Variants in CCDC136 observed in about 807,000 individuals in gnomAD.
CCDC136 encodes the protein coiled-coil domain-containing protein 136.
CCDC136 carries 100 observed loss-of-function variants against 141.2 expected under a neutral mutation model. The ratio of observed to expected loss-of-function variants is 0.71; its 90% CI spans 0.60 to 0.84. CCDC136 has a LOEUF of 0.84. Ranked by LOEUF, CCDC136 falls within the 40% of genes least tolerant of loss-of-function variation. CCDC136 has a pLI of 0.00. For synonymous variants in CCDC136, 474 were observed against 531.9 expected, an observed-to-expected ratio of 0.89 and a Z score of 1.50; for missense variants, 1,206 against 1,379.4, an observed-to-expected ratio of 0.87 and a Z score of 1.99.
At position 128,817,839 on chromosome 7, in the gene CCDC136, T is replaced by C. The variant is rs1806880566; in HGVS notation, c.3445T>C (p.Trp1149Arg). The change falls in exon 17 of 18, where the codon TGG becomes CGG. Residue 1149 changes from tryptophan (W) to arginine (R), a missense_variant. By Grantham distance (101) the Trp-to-Arg change is moderately radical. Transcript: ENST00000297788. This position sits in a 1 kb window ranked among gnomAD's most constrained non-coding sequence, Gnocchi z 4.6. The stretch of plus-strand genomic sequence containing the variant: ...CATCTCGGCTTTGCTCTGGTGCTGG[T>C]GGGCTGAGACGTCGTCCTAATGCAG... ...VVISALLWCW[W>R]AETSS 6.2e-7 allele frequency: 1 copy of C among 1,613,748 alleles called. No homozygotes were observed. The highest frequency in any genetic ancestry group is 8.5e-7 in the Non-Finnish European group (1 of 1,179,812).
rs968852697 is a variant in CCDC136 at position 128,794,899 on chromosome 7, C to T, written c.346+131C>T. Reference sequence around the variant, plus strand: ...TTCAGTAATTTCACCTCATTTTCCTCTACTAGTCTCACCCTTTTCCTCTCC... The same window carrying T: ...TTCAGTAATTTCACCTCATTTTCCTTTACTAGTCTCACCCTTTTCCTCTCC... On this transcript the variant is annotated intron_variant, in intron 3 of 17. Transcript: ENST00000297788. The surrounding 1 kb of genome is among the most constrained non-coding windows in gnomAD (Gnocchi z 4.3). 1 of 697,138 alleles carries T rather than the reference C, an allele frequency of 1.4e-6. No individual in the cohort carries two copies. Among genetic ancestry groups the T allele is most frequent in the Non-Finnish European group, 2.5e-6 (1 of 398,600 alleles). 43.2% of individuals were successfully genotyped at this position (697,138 alleles called of 1,614,324 possible). A position where few individuals can be genotyped will look rare whatever the true frequency, so the allele number is the denominator to read the frequency against.
At position 128,794,911 on chromosome 7, in the gene CCDC136, C is replaced by A; in HGVS notation, c.346+143C>A. Reference sequence around the variant, plus strand: ...ACCTCATTTTCCTCTACTAGTCTCACCCTTTTCCTCTCCTTGTCTCTCCAT... The same window carrying A: ...ACCTCATTTTCCTCTACTAGTCTCAACCTTTTCCTCTCCTTGTCTCTCCAT... On this transcript the variant is annotated intron_variant, in intron 3 of 17. Coordinates refer to ENST00000297788, the MANE Select transcript of CCDC136 (RefSeq NM_022742.5). The surrounding 1 kb of genome is among the most constrained non-coding windows in gnomAD (Gnocchi z 4.3). The A allele has an allele frequency of 1.5e-6, 1 of 655,696 alleles. No individual in the cohort carries two copies. Among genetic ancestry groups the A allele is most frequent in the Non-Finnish European group, 2.7e-6 (1 of 369,118 alleles). 40.6% of individuals were successfully genotyped at this position (655,696 alleles called of 1,614,324 possible). A position where few individuals can be genotyped will look rare whatever the true frequency, so the allele number is the denominator to read the frequency against.
intron 4 of CCDC136, among the ~76,000 whole-genome samples, chr7:128,803,840 A>G (rs1804421154): frequency 1.4e-5 from 2 of 145,494 alleles, no homozygotes; most frequent in South Asian, 2.2e-4. Flanking sequence ...TTTGAGACAG[A>G]GTCTCACTCT....
rs904372404 is a variant in CCDC136, at chr7:128,812,140, A to G, written c.2369A>G (p.Tyr790Cys). 4 of 1,613,928 alleles carry G rather than the reference A, an allele frequency of 2.5e-6. No homozygotes were observed. Among genetic ancestry groups the G allele is most frequent in the African/African-American group, 1.3e-5 (1 of 74,934 alleles). Reference sequence around the variant, plus strand: ...AGCAGCAAGAGCTTTCTCAAGAGCTATGACAGCAGCACCAGTGCCAGTGAG... The same window carrying G: ...AGCAGCAAGAGCTTTCTCAAGAGCTGTGACAGCAGCACCAGTGCCAGTGAG... ...QTSSKSFLKSYDSSTSASEAY... is the reference protein window; with the variant it reads ...QTSSKSFLKSCDSSTSASEAY... Residue 790 changes from tyrosine (Y) to cysteine (C), a missense_variant, in exon 13 of 18, where the codon TAT becomes TGT. Tyr to Cys is a radical substitution (Grantham distance 194). Transcript: ENST00000297788.
upstream of CCDC136, chr7:128,791,658 C>A: frequency 1.4e-6 from 1 of 721,070 alleles, no homozygotes; most frequent in South Asian, 6.5e-5. This position sits in a 1 kb window ranked among gnomAD's most constrained non-coding sequence, Gnocchi z 7.1. Context: ...TCCCCTTTCT[C>A]CGCCCAAAGT....
chr7:128,793,565 CTGA>C (rs1802516451), intron 1 of CCDC136, among the ~76,000 whole-genome samples: 2 of 152,234 alleles, frequency 1.3e-5, no homozygotes, highest in South Asian at 4.1e-4. Context: ...TATGGAAAGG[CTGA>C]TTTTTCACAA....
At chr7:128,819,658 T>C (rs1807170364) in intron 17 of CCDC136, among the ~76,000 whole-genome samples, 1 of 152,188 alleles carries the variant, frequency 6.6e-6, no homozygotes, top group Admixed American at 6.5e-5. Context: ...AAGCTACTCC[T>C]ATTTTTTTTT....
At chr7:128,803,875 C>T (rs1201065636) in intron 4 of CCDC136, among the ~76,000 whole-genome samples, 2 of 147,808 alleles carry the variant, frequency 1.4e-5, no homozygotes, top group Non-Finnish European at 3.0e-5. Context: ...AGTGCAGTGG[C>T]ACAGTCTTGG....
At chr7:128,795,583 A>G (rs753348024) in intron 3 of CCDC136, among the ~76,000 whole-genome samples, 94 of 152,040 alleles carry the variant, frequency 6.2e-4, no homozygotes, top group Non-Finnish European at 2.9e-4. Context: ...AAGCAAAGGT[A>G]GATACAGGAA....
At chr7:128,795,044 C>T (rs966173592) in intron 3 of CCDC136, among the ~76,000 whole-genome samples, 1 of 152,106 alleles carries the variant, frequency 6.6e-6, no homozygotes, top group African/African-American at 2.4e-5. Flanking sequence ...GGGCTCTTTC[C>T]TCTTGCCCCT....
chr7:128,804,322 A>G (rs1055634479), intron 4 of CCDC136, among the ~76,000 whole-genome samples: 18 of 152,376 alleles, frequency 1.2e-4, no homozygotes, highest in African/African-American at 4.3e-4. Context: ...AAGTTTTTAC[A>G]TACAGTAAAA....
chr7:128,804,815 T>C, intron 5 of CCDC136, 54 bp downstream of exon 5: 2 of 1,155,444 alleles, frequency 1.7e-6, no homozygotes, highest in South Asian at 2.7e-5. Flanking sequence ...GACTCTGCCT[T>C]ACCTTGGGCT....
At chr7:128,791,409 C>A, upstream of CCDC136, 1 of 1,005,328 alleles carries the variant, frequency 9.9e-7, no homozygotes, top group South Asian at 3.5e-5. This position sits in a 1 kb window ranked among gnomAD's most constrained non-coding sequence, Gnocchi z 7.1. Context: ...CGCCCTCCCT[C>A]CCTCCCTGCG....
At position 128,806,778 on chromosome 7, in the gene CCDC136, CAGG is replaced by C. The variant is rs768102303; in HGVS notation, c.1345_1347del (p.Glu449del). 5 of 1,612,300 alleles carry C rather than the reference CAGG, an allele frequency of 3.1e-6. No individual in the cohort carries two copies. In the East Asian group the frequency reaches 1.1e-4, roughly 36 times the overall value. ...GCTGCTGGAACGGCAGCAGCAGCTGCAGGAGGAGCTGCAGTGCCATGAGGCAGA... is the reference window on the plus strand; with the variant it reads ...GCTGCTGGAACGGCAGCAGCAGCTGCAGGAGCTGCAGTGCCATGAGGCAGA... On this transcript the variant is annotated inframe_deletion, in exon 9 of 18. Coordinates refer to ENST00000297788, the MANE Select transcript of CCDC136 (RefSeq NM_022742.5).
At chr7:128,795,542 G>T (rs57072537) in intron 3 of CCDC136, among the ~76,000 whole-genome samples, 1 of 151,712 alleles carries the variant, frequency 6.6e-6, no homozygotes, top group African/African-American at 2.4e-5. Flanking sequence ...AGGTGTAAGT[G>T]GGGAGGAGAG....
chr7:128,821,301 T>G lies in CCDC136; in HGVS notation c.*6-498T>G, dbSNP rs1807406447. Among the ~76,000 whole-genome samples the G allele has an allele frequency of 6.6e-6, 1 of 152,240 alleles. No individual in the cohort carries two copies. Among genetic ancestry groups the G allele is most frequent in the Non-Finnish European group, 1.5e-5 (1 of 68,038 alleles). On this transcript the variant is annotated intron_variant, in intron 17 of 17. Coordinates refer to ENST00000297788, the MANE Select transcript of CCDC136 (RefSeq NM_022742.5). This position sits in a 1 kb window ranked among gnomAD's most constrained non-coding sequence, Gnocchi z 5.1. ...ATGTCATTCTCTGTCAAAGTTTGTC[T>G]GCCTAAGAACCTCCTACTTACCTGC...
At chr7:128,809,829 CT>C (rs1251663132) in intron 11 of CCDC136, among the ~76,000 whole-genome samples, 185 bp downstream of exon 11, 2 of 152,234 alleles carry the variant, frequency 1.3e-5, no homozygotes, top group Non-Finnish European at 2.9e-5. Flanking sequence ...CTTATAAGGG[CT>C]TTAAATCTTA....
Position 128,812,302 on chromosome 7 carries a change from A to C in CCDC136, c.2531A>C (p.Glu844Ala), listed in dbSNP as rs1805860322. Residue 844 changes from glutamate (E) to alanine (A), a missense_variant, in exon 13 of 18, where the codon GAA becomes GCA. Physicochemically the swap from Glu to Ala is moderately radical, Grantham distance 107 (BLOSUM62 -1). Coordinates refer to ENST00000297788, the MANE Select transcript of CCDC136 (RefSeq NM_022742.5). ...SCTDEEPAEP[E>A]DMERFEEMVV... ...ACTGACGAGGAACCTGCTGAGCCTG[A>C]AGACATGGAGGTAATGGTTGCCAGG... 6.2e-7 allele frequency: 1 copy of C among 1,611,564 alleles called. No homozygotes were observed. Among genetic ancestry groups the C allele is most frequent in the East Asian group, 2.2e-5 (1 of 44,856 alleles).
intron 11 of CCDC136, 108 bp from the exon 12 acceptor site, chr7:128,810,031 G>A (rs1805471639): frequency 1.3e-5 from 9 of 708,268 alleles, no homozygotes; most frequent in Non-Finnish European, 1.9e-5. Flanking sequence ...AGTCAACCCT[G>A]AGATTCTTCA....
Sources: allele counts gnomAD v4.1 joint callset (sites outside exome capture counted in the v4.1 genomes callset), GRCh38; gene constraint gnomAD v4.1.1; non-coding constraint Gnocchi (gnomAD v3.1); transcripts MANE v1.5; gene names NCBI Gene and HGNC (gene_info 2026-07-23, HGNC 2026-07-21).